Variants in CPNE4 observed in about 807,000 individuals in gnomAD.
The protein encoded by CPNE4 is copine 4, also known as copine-4.
Under a neutral mutation model 67.9 loss-of-function variants are expected in CPNE4, and 25 were observed. That is an observed-to-expected ratio of 0.37 (90% CI 0.27 to 0.51). The LOEUF is 0.51. Ranked by LOEUF, CPNE4 falls within the 20% of genes least tolerant of loss-of-function variation. CPNE4 has a pLI of 0.93. For synonymous variants in CPNE4, 242 were observed against 244.9 expected (o/e 0.99, Z 0.11); for missense variants, 464 against 690.8 (o/e 0.67, Z 3.68).
At chr3:131,684,737 A>G (rs969910284) in intron 6 of CPNE4, among the ~76,000 whole-genome samples, 2 of 152,228 alleles carry the variant, frequency 1.3e-5, no homozygotes, top group Non-Finnish European at 2.9e-5. Flanking sequence ...CTCAGCTCCA[A>G]GTAATTCAGC....
At chr3:131,648,442 A>T (rs1404756206) in intron 7 of CPNE4, among the ~76,000 whole-genome samples, 4 of 152,156 alleles carry the variant, frequency 2.6e-5, no homozygotes, top group South Asian at 2.1e-4. Flanking sequence ...TCCCCATTAC[A>T]CTTTGAATGT....
intron 6 of CPNE4, among the ~76,000 whole-genome samples, chr3:131,678,343 G>A (rs188997528): frequency 2.0e-5 from 3 of 152,164 alleles, no homozygotes; most frequent in Non-Finnish European, 4.4e-5. Flanking sequence ...GGGCTGAGAC[G>A]ATGGGGTTTT....
intron 10 of CPNE4, among the ~76,000 whole-genome samples, chr3:131,570,746 G>C (rs1177524847): frequency 6.6e-6 from 1 of 151,986 alleles, no homozygotes; most frequent in African/African-American, 2.4e-5. Flanking sequence ...ATGCAAAACT[G>C]GATGTGTGCA....
chr3:131,908,447 A>G (rs1051233721), intron 1 of CPNE4, among the ~76,000 whole-genome samples: 3 of 152,106 alleles, frequency 2.0e-5, no homozygotes, highest in African/African-American at 7.2e-5. Context: ...TGATAAGAAC[A>G]GCTTATTCTT....
chr3:131,732,275 TG>T (rs2082145281), intron 2 of CPNE4, among the ~76,000 whole-genome samples: 1 of 152,180 alleles, frequency 6.6e-6, no homozygotes, highest in South Asian at 2.1e-4. Context: ...TGGGCAAAGT[TG>T]GTTTATTTGG....
chr3:131,911,617 T>A lies in CPNE4; in HGVS notation c.-1-6173A>T, dbSNP rs763984537. 1.1e-3 allele frequency among the ~76,000 whole-genome samples: 169 copies of A among 151,550 alleles called. 1 individual carries two copies. The highest frequency in any genetic ancestry group is 1.9e-3 in the Non-Finnish European group (126 of 67,926). ...CCTTTAGATCAGGGACTACTTCTTA[T>A]ACTTTACTGGATCCCCAGTAGTGCT... On this transcript the variant is annotated intron_variant, in intron 1 of 15. Transcript: ENST00000429747.
chr3:131,649,232 T>G (rs934214630), intron 7 of CPNE4, among the ~76,000 whole-genome samples: 1 of 152,226 alleles, frequency 6.6e-6, no homozygotes, highest in Non-Finnish European at 1.5e-5. Context: ...TAGAACTTTA[T>G]AGTCAGGTAA....
At chr3:131,882,604 T>TA (rs2087720947) in intron 2 of CPNE4, among the ~76,000 whole-genome samples, 1 of 136,908 alleles carries the variant, frequency 7.3e-6, no homozygotes, top group African/African-American at 2.4e-5. Context: ...GCCTAACAGC[T>TA]ATATAATGGT....
upstream of CPNE4, chr3:132,037,681 C>T: frequency 7.5e-7 from 1 of 1,335,832 alleles, no homozygotes; most frequent in South Asian, 1.2e-5. Context: ...AAGGAAGCTT[C>T]AGCTCTGGGT....
chr3:131,649,915 A>G (rs1046229190), intron 7 of CPNE4, among the ~76,000 whole-genome samples: 1 of 152,192 alleles, frequency 6.6e-6, no homozygotes, highest in Non-Finnish European at 1.5e-5. Context: ...AGTATCTCAC[A>G]AGGCTGAAAT....
chr3:131,902,097 T>C (rs1583427506), intron 2 of CPNE4, among the ~76,000 whole-genome samples: 5 of 148,870 alleles, frequency 3.4e-5, no homozygotes, highest in African/African-American at 4.9e-5. Flanking sequence ...ATTATTATTA[T>C]ATCCTTACTG....
intron 2 of CPNE4, among the ~76,000 whole-genome samples, chr3:131,864,486 C>A (rs1275631372): frequency 6.6e-6 from 1 of 151,962 alleles, no homozygotes; most frequent in Non-Finnish European, 1.5e-5. Flanking sequence ...TGGGAGTTCA[C>A]TCATGATTTG....
intron 2 of CPNE4, among the ~76,000 whole-genome samples, chr3:131,873,621 AC>A (rs2087309815): frequency 6.6e-6 from 1 of 152,202 alleles, no homozygotes; most frequent in Admixed American, 6.5e-5. Context: ...GTTCATGTTC[AC>A]AAATATCTAT....
intron 2 of CPNE4, among the ~76,000 whole-genome samples, chr3:131,897,480 T>G (rs1337366803): frequency 6.6e-6 from 1 of 152,128 alleles, no homozygotes; most frequent in African/African-American, 2.4e-5. Flanking sequence ...AGTCAGACAG[T>G]CTGGGTTCAA....
chr3:131,894,631 T>G (rs1269280922), intron 2 of CPNE4, among the ~76,000 whole-genome samples: 1 of 151,896 alleles, frequency 6.6e-6, no homozygotes, highest in Non-Finnish European at 1.5e-5. Flanking sequence ...ATATTACTAA[T>G]TATCAGGAAA....
chr3:131,687,268 C>G (rs548534024), intron 5 of CPNE4, among the ~76,000 whole-genome samples: 38 of 152,260 alleles, frequency 2.5e-4, no homozygotes, highest in Admixed American at 7.2e-4. Flanking sequence ...TTGATTTTTA[C>G]CCCCAGTAGA....
intron 2 of CPNE4, among the ~76,000 whole-genome samples, chr3:131,797,651 G>C (rs2083953976): frequency 6.6e-6 from 1 of 152,180 alleles, no homozygotes; most frequent in Non-Finnish European, 1.5e-5. Flanking sequence ...ACACAAGGCT[G>C]GGTTAAGTAT....
At chr3:131,572,998 A>AATT (rs1937411690) in intron 10 of CPNE4, among the ~76,000 whole-genome samples, 1 of 152,152 alleles carries the variant, frequency 6.6e-6, no homozygotes, top group Admixed American at 6.6e-5. Flanking sequence ...TACAGCTTAT[A>AATT]ATTTAAATTA....
rs550140890 is a variant in CPNE4 at position 131,928,970 on chromosome 3, G to A, written c.-1-23526C>T. ...GAGGGCTAGTCCTAGGAATAGCTGA[G>A]GAAAAGCAGATCTAGATAGTCTTTT... On this transcript the variant is annotated intron_variant, in intron 1 of 15. Transcript: ENST00000429747. Among the ~76,000 whole-genome samples, 5 of 152,200 alleles carry A rather than the reference G, an allele frequency of 3.3e-5. No homozygotes were observed. The East Asian group carries it at 9.7e-4, about 29-fold the overall frequency.
Sources: gnomAD v4.1 joint callset for allele counts (sites outside exome capture counted in the v4.1 genomes callset) on GRCh38, gnomAD v4.1.1 for gene constraint, MANE v1.5 for transcripts, NCBI Gene and HGNC (gene_info 2026-07-23, HGNC 2026-07-21) for gene names.